The following RYR2 variants were observed in gnomAD, a reference collection of about 807,000 sequenced individuals.
RYR2 encodes the protein cardiac muscle ryanodine receptor-calcium release channel.
A neutral mutation model predicts 601.1 loss-of-function variants in RYR2; 227 were observed. The ratio of observed to expected loss-of-function variants is 0.38; its 90% CI spans 0.34 to 0.42. The LOEUF is 0.42. Ranked by LOEUF, RYR2 falls within the 10% of genes least tolerant of loss-of-function variation. RYR2 has a pLI of 1.00. For missense variants in RYR2, 4,646 were observed against 6,156.5 expected, an observed-to-expected ratio of 0.75 and a Z score of 8.21; for synonymous variants, 2,223 against 2,175.1, an observed-to-expected ratio of 1.02 and a Z score of -0.61.
intron 29 of RYR2, among the ~76,000 whole-genome samples, chr1:237,572,191 G>A (rs1368870071): frequency 6.6e-6 from 1 of 152,154 alleles, no homozygotes; most frequent in Non-Finnish European, 1.5e-5. Flanking sequence ...GGGAAGGTAG[G>A]AGGAAGGCTT....
At chr1:237,757,550 T>C (rs958049238) in intron 81 of RYR2, 147 bp from the exon 82 acceptor site, 1 of 505,710 alleles carries the variant, frequency 2.0e-6, no homozygotes, top group Non-Finnish European at 3.6e-6. Flanking sequence ...TTAGCATTTT[T>C]TGGAACATAA....
intron 26 of RYR2, 84 bp downstream of exon 26, chr1:237,548,674 A>G (rs1284602162): frequency 1.1e-5 from 17 of 1,499,840 alleles, no homozygotes; most frequent in South Asian, 3.9e-5. Context: ...CATAATGACT[A>G]TTTTAAAACT....
At chr1:237,496,939 T>G (rs1664136610) in intron 20 of RYR2, among the ~76,000 whole-genome samples, 187 bp downstream of exon 20, 1 of 152,198 alleles carries the variant, frequency 6.6e-6, no homozygotes, top group Non-Finnish European at 1.5e-5. Context: ...AAGAAAATAC[T>G]TAAAATTATA....
rs111990043 is a variant in RYR2 at position 237,454,493 on chromosome 1, C to G, written c.1395C>G (p.Pro465=). ...AGGATCTCATTGGCTACTTCCACCC[C>G]CCAGATGAGCATTTAGAGCATGAAG... ...SLQDLIGYFH[P]PDEHLEHEDK... Residue 465 remains proline, a synonymous_variant, in exon 15 of 105, where the codon CCC becomes CCG. Transcript: ENST00000366574. 39 of 1,613,542 alleles carry G rather than the reference C, an allele frequency of 2.4e-5. No individual in the cohort carries two copies. Among genetic ancestry groups the G allele is most frequent in the Admixed American group, 3.3e-5 (2 of 59,932 alleles).
chr1:237,563,234 G>A (rs139934337), intron 27 of RYR2, among the ~76,000 whole-genome samples: 376 of 151,964 alleles, frequency 2.5e-3, no homozygotes, highest in African/African-American at 8.3e-3. Context: ...GTGAAACCCC[G>A]TCTCTACTGA....
chr1:237,727,270 C>A (rs1367259478), intron 76 of RYR2, 71 bp downstream of exon 76: 4 of 690,632 alleles, frequency 5.8e-6, no homozygotes, highest in East Asian at 2.6e-5. Flanking sequence ...TGTTTAGAAT[C>A]TACCTTAATA....
intron 1 of RYR2, among the ~76,000 whole-genome samples, chr1:237,064,267 C>T (rs1039946180): frequency 5.3e-5 from 8 of 152,104 alleles, no homozygotes; most frequent in Admixed American, 1.3e-4. Context: ...GTCCAGTCAG[C>T]TGGTAAGTCC....
At chr1:237,126,394 C>T (rs1049496988) in intron 1 of RYR2, among the ~76,000 whole-genome samples, 3 of 152,162 alleles carry the variant, frequency 2.0e-5, no homozygotes, top group African/African-American at 7.2e-5. Flanking sequence ...TGGGGCTGCC[C>T]CCAGCTGATG....
At chr1:237,510,375 C>A (rs1227025673) in intron 23 of RYR2, among the ~76,000 whole-genome samples, 1 of 152,050 alleles carries the variant, frequency 6.6e-6, no homozygotes, top group Non-Finnish European at 1.5e-5. Flanking sequence ...GTGGAGATGA[C>A]CTAAATAGGG....
intron 10 of RYR2, among the ~76,000 whole-genome samples, chr1:237,399,888 G>A (rs10925408): frequency 0.66 from 100,589 of 151,628 alleles, 33,834 homozygotes; most frequent in East Asian, 1. Flanking sequence ...GGGTGTTTAC[G>A]GTAACTAGGG....
At chr1:237,185,153 A>G (rs1485830913) in intron 1 of RYR2, among the ~76,000 whole-genome samples, 1 of 152,008 alleles carries the variant, frequency 6.6e-6, no homozygotes, top group Non-Finnish European at 1.5e-5. Context: ...GGCGTACGTC[A>G]CCACGCCTGG....
intron 28 of RYR2, among the ~76,000 whole-genome samples, chr1:237,567,640 A>G (rs114649514): frequency 0.012 from 1,821 of 152,170 alleles, 31 homozygotes; most frequent in African/African-American, 0.041. Context: ...GCTTATAGCC[A>G]CAATAGGATA....
intron 80 of RYR2, 76 bp downstream of exon 80, chr1:237,742,425 G>T: frequency 9.1e-7 from 1 of 1,102,798 alleles, no homozygotes. Context: ...TGACATTTAT[G>T]TTTCTTGCTT....
intron 52 of RYR2, among the ~76,000 whole-genome samples, chr1:237,654,854 G>A (rs773903070): frequency 7.9e-5 from 12 of 152,168 alleles, no homozygotes; most frequent in South Asian, 2.1e-4. Flanking sequence ...TTTAGATACC[G>A]TCGCTCAATG....
At chr1:237,633,533 A>G in intron 42 of RYR2, 45 bp from the exon 43 acceptor site, 1 of 1,611,522 alleles carries the variant, frequency 6.2e-7, no homozygotes, top group Non-Finnish European at 8.5e-7. Flanking sequence ...TCAATTTTAT[A>G]AAGGTCGTTT....
intron 1 of RYR2, among the ~76,000 whole-genome samples, chr1:237,155,039 A>G (rs1220905438): frequency 6.6e-6 from 1 of 152,096 alleles, no homozygotes; most frequent in East Asian, 1.9e-4. Context: ...ATCCTTAGGG[A>G]TGTTGGGGCT....
intron 1 of RYR2, among the ~76,000 whole-genome samples, chr1:237,200,056 G>T (rs529414621): frequency 5.7e-4 from 87 of 152,178 alleles, no homozygotes; most frequent in Non-Finnish European, 1.6e-4. Flanking sequence ...TATGAGATAG[G>T]TCTGTTACTA....
intron 10 of RYR2, among the ~76,000 whole-genome samples, chr1:237,393,911 C>T (rs1638919190): frequency 6.6e-6 from 1 of 152,132 alleles, no homozygotes; most frequent in African/African-American, 2.4e-5. Flanking sequence ...AAAACGTGGG[C>T]TTCTAACACA....
chr1:237,645,495 A>G lies in RYR2; in HGVS notation c.7342+2048A>G, dbSNP rs535944395. Among the ~76,000 whole-genome samples the G allele has an allele frequency of 2.0e-5, 3 of 152,332 alleles. No homozygotes were observed. In the East Asian group the frequency reaches 5.8e-4, roughly 29 times the overall value. ...AAATAGACACTATCAGGACAAAGAT[A>G]ATAATAGTACCAGTGACATACAGAT... On this transcript the variant is annotated intron_variant, in intron 48 of 104. Transcript: ENST00000366574.
Sources: allele counts gnomAD v4.1 joint callset (sites outside exome capture counted in the v4.1 genomes callset), GRCh38; gene constraint gnomAD v4.1.1; transcripts MANE v1.5; gene names NCBI Gene and HGNC (gene_info 2026-07-23, HGNC 2026-07-21).